The following TMEM45A variants were observed in gnomAD, a reference collection of about 807,000 sequenced individuals.
TMEM45A encodes the protein DNA polymerase-transactivated protein 4.
TMEM45A carries 25 observed loss-of-function variants against 32.0 expected under a neutral mutation model. The observed-to-expected ratio is 0.78, with a 90% CI of 0.57 to 1.09. The LOEUF (loss-of-function observed/expected upper bound fraction) is 1.09. Among genes scored for constraint, TMEM45A ranks in the 50% least tolerant of loss-of-function variants. The pLI is 0.00. For missense variants in TMEM45A, 302 were observed against 325.0 expected (o/e 0.93, Z 0.54); for synonymous variants, 122 against 114.8 (o/e 1.06, Z -0.40).
At chr3:100,575,985 C>T (rs1317827577) in intron 5 of TMEM45A, among the ~76,000 whole-genome samples, 1 of 152,148 alleles carries the variant, frequency 6.6e-6, no homozygotes. Context: ...TCTGGGCTTG[C>T]CACAGCCCAG....
intron 1 of TMEM45A, among the ~76,000 whole-genome samples, chr3:100,536,977 A>G (rs770757167): frequency 2.6e-5 from 4 of 152,226 alleles, no homozygotes; most frequent in Non-Finnish European, 4.4e-5. Context: ...GCCGGAGTGC[A>G]ATGGCACGAT....
At chr3:100,493,762 A>G (rs1707884742) in intron 1 of TMEM45A, among the ~76,000 whole-genome samples, 1 of 152,014 alleles carries the variant, frequency 6.6e-6, no homozygotes, top group Non-Finnish European at 1.5e-5. Flanking sequence ...ACAGAGTCTC[A>G]CTCTTGTCGC....
chr3:100,549,935 A>T, intron 1 of TMEM45A, among the ~76,000 whole-genome samples: 1 of 150,162 alleles, frequency 6.7e-6, no homozygotes, highest in Non-Finnish European at 1.5e-5. Flanking sequence ...TCCATGGTGT[A>T]TATGTGCCAC....
chr3:100,538,101 G>T (rs1428063708), intron 1 of TMEM45A, among the ~76,000 whole-genome samples: 1 of 152,146 alleles, frequency 6.6e-6, no homozygotes, highest in Non-Finnish European at 1.5e-5. Context: ...ATCAGAATGG[G>T]TTATTAAAGC....
rs1706321167 is a variant in TMEM45A, at chr3:100,561,021, A to G, written c.588+2432A>G. ...ATTTTTCATCTACCAATATGTCTAG[A>G]CTAGACTGTTTCCTTCTTCCTGGTG... On this transcript the variant is annotated intron_variant, in intron 4 of 5. Transcript: ENST00000323523. 2.0e-5 allele frequency among the ~76,000 whole-genome samples: 3 copies of G among 152,144 alleles called. No homozygotes were observed. The South Asian group carries it at 6.2e-4, about 32-fold the overall frequency.
intron 1 of TMEM45A, among the ~76,000 whole-genome samples, chr3:100,541,472 AATCTTTAATCC>A: frequency 6.6e-6 from 1 of 150,652 alleles, no homozygotes; most frequent in East Asian, 1.9e-4. Context: ...CTTACATTTA[AATCTTTAATCC>A]ATCTTGAGTC....
chr3:100,542,535 G>A (rs1705905646), intron 1 of TMEM45A, among the ~76,000 whole-genome samples: 2 of 152,148 alleles, frequency 1.3e-5, no homozygotes, highest in Admixed American at 6.5e-5. Flanking sequence ...CAGAATGGGA[G>A]CAAATTTTCA....
chr3:100,513,864 C>G (rs1230848016), intron 1 of TMEM45A, among the ~76,000 whole-genome samples: 1 of 152,072 alleles, frequency 6.6e-6, no homozygotes, highest in African/African-American at 2.4e-5. Flanking sequence ...CATGAATTAA[C>G]TCCCATTCAC....
intron 1 of TMEM45A, among the ~76,000 whole-genome samples, chr3:100,547,326 T>C (rs1000537111): frequency 2.0e-5 from 3 of 152,056 alleles, no homozygotes; most frequent in Admixed American, 2.0e-4. Flanking sequence ...TTCAACATGT[T>C]GGTCAGGCTG....
At chr3:100,527,825 A>G (rs1321719263) in intron 1 of TMEM45A, among the ~76,000 whole-genome samples, 1 of 152,224 alleles carries the variant, frequency 6.6e-6, no homozygotes, top group East Asian at 1.9e-4. Flanking sequence ...TAGCCCGGGT[A>G]TAATTCAGAA....
At chr3:100,511,959 C>T (rs1315581508) in intron 1 of TMEM45A, among the ~76,000 whole-genome samples, 3 of 152,002 alleles carry the variant, frequency 2.0e-5, no homozygotes, top group African/African-American at 7.3e-5. Flanking sequence ...TACAGGAGCA[C>T]CCAGATTCAT....
chr3:100,510,134 G>A (rs1708135682), intron 1 of TMEM45A, among the ~76,000 whole-genome samples: 1 of 152,240 alleles, frequency 6.6e-6, no homozygotes, highest in South Asian at 2.1e-4. Flanking sequence ...AAGGAGGCCT[G>A]CCTGCCTCTG....
intron 4 of TMEM45A, among the ~76,000 whole-genome samples, chr3:100,566,985 A>G (rs1312643620): frequency 6.6e-6 from 1 of 151,990 alleles, no homozygotes; most frequent in African/African-American, 2.4e-5. Flanking sequence ...GTTAATTTTG[A>G]TGAAGTCCAA....
intron 1 of TMEM45A, among the ~76,000 whole-genome samples, chr3:100,543,454 A>G (rs928130494): frequency 2.6e-5 from 4 of 152,156 alleles, no homozygotes; most frequent in East Asian, 1.9e-4. Context: ...TAGTAATGCC[A>G]TTTTGCACTT....
chr3:100,539,432 G>GATATGTATATGTATATGTATATGT lies in TMEM45A; in HGVS notation c.-3-15737_-3-15714dup, dbSNP rs61585906. Among the ~76,000 whole-genome samples, 263 of 83,086 alleles carry GATATGTATATGTATATGTATATGT rather than the reference G, an allele frequency of 3.2e-3. 5 individuals carry two copies. Among genetic ancestry groups the GATATGTATATGTATATGTATATGT allele is most frequent in the Non-Finnish European group, 5.3e-3 (192 of 36,422 alleles). The allele number at this position is 83,086 out of a possible 152,430, so 54.5% of individuals were successfully genotyped here. A position where few individuals can be genotyped will look rare whatever the true frequency, so the allele number is the denominator to read the frequency against. On this transcript the variant is annotated intron_variant, in intron 1 of 5. Transcript: ENST00000323523. ...TCTCCAGAGAAACAGAACCCAATAG[G>GATATGTATATGTATATGTATATGT]ATATGTATATGTATATGTATATGTA...
chr3:100,539,432 G>GATATAT (rs1705806448), intron 1 of TMEM45A, among the ~76,000 whole-genome samples: 1 of 83,032 alleles, frequency 1.2e-5, no homozygotes. Flanking sequence ...AACCCAATAG[G>GATATAT]ATATGTATAT....
At chr3:100,516,633 T>C (rs756706961) in intron 1 of TMEM45A, among the ~76,000 whole-genome samples, 6 of 152,180 alleles carry the variant, frequency 3.9e-5, no homozygotes, top group African/African-American at 7.2e-5. Context: ...AGCAACTCTC[T>C]CCAGGTTCTC....
intron 1 of TMEM45A, among the ~76,000 whole-genome samples, chr3:100,509,680 T>G (rs1708127239): frequency 6.6e-6 from 1 of 151,934 alleles, no homozygotes; most frequent in Admixed American, 6.6e-5. Flanking sequence ...AGAAGACAGG[T>G]GATTTCTGCA....
At chr3:100,498,264 C>T (rs191547617) in intron 1 of TMEM45A, among the ~76,000 whole-genome samples, 48 of 152,286 alleles carry the variant, frequency 3.2e-4, no homozygotes, top group Non-Finnish European at 5.4e-4. Flanking sequence ...ATGAATTACC[C>T]AGTCTTGGGT....
Sources: gnomAD v4.1 joint callset for allele counts (sites outside exome capture counted in the v4.1 genomes callset) on GRCh38, gnomAD v4.1.1 for gene constraint, MANE v1.5 for transcripts, NCBI Gene and HGNC (gene_info 2026-07-23, HGNC 2026-07-21) for gene names.